BUD13: variants seen among roughly 807,000 people sequenced by gnomAD.
The protein encoded by BUD13 is BUD13 homolog.
Under a neutral mutation model 62.5 loss-of-function variants are expected in BUD13, and 47 were observed. That is an observed-to-expected ratio of 0.75 (90% CI 0.60 to 0.96). The LOEUF (loss-of-function observed/expected upper bound fraction) is 0.96. Among genes scored for constraint, BUD13 ranks in the 40% least tolerant of loss-of-function variants. The probability of loss-of-function intolerance (pLI) is 0.00; values close to 1 mark genes in which losing one functional copy is unlikely to be tolerated. For synonymous variants in BUD13, 293 were observed against 280.1 expected, an observed-to-expected ratio of 1.05 and a Z score of -0.46; for missense variants, 821 against 790.9, an observed-to-expected ratio of 1.04 and a Z score of -0.46.
Position 116,763,213 on chromosome 11 carries a change from A to C in BUD13, c.376T>G (p.Ser126Ala). Residue 126 changes from serine (S) to alanine (A), a missense_variant, in exon 4 of 10, where the codon TCA becomes GCA. By Grantham distance (99) the Ser-to-Ala change is moderately conservative. Coordinates refer to ENST00000260210, the MANE Select transcript of BUD13 (RefSeq NM_032725.4). ...CCATGACGGACCCTCCTAGGAGATG[A>C]ATCCGGGGTATCGTGACGAAAATGT... is the stretch of plus-strand genomic sequence containing the variant. ...NRHFRHDTPD[S>A]SPRRVRHGTP... 1 of 1,567,272 alleles carries C rather than the reference A, an allele frequency of 6.4e-7. No individual in the cohort carries two copies.
At chr11:116,769,014 CAAA>C (rs34626460) in intron 2 of BUD13, among the ~76,000 whole-genome samples, 11 of 90,142 alleles carry the variant, frequency 1.2e-4, no homozygotes, top group Admixed American at 1.2e-4. Context: ...GACTCCGTCT[CAAA>C]AAAAAAAAAA....
At chr11:116,748,607 G>A in intron 9 of BUD13, 32 bp from the exon 10 acceptor site, 1 of 1,600,662 alleles carries the variant, frequency 6.2e-7, no homozygotes, top group Non-Finnish European at 8.6e-7. Context: ...TATTCAGCTA[G>A]AACCCTGAAA....
At chr11:116,748,657 T>A in intron 9 of BUD13, 82 bp from the exon 10 acceptor site, 1 of 1,337,664 alleles carries the variant, frequency 7.5e-7, no homozygotes, top group African/African-American at 1.5e-5. Context: ...GTTCACAATA[T>A]AATGAAAAGG....
intron 9 of BUD13, among the ~76,000 whole-genome samples, chr11:116,748,980 CAAAAAAA>C (rs58988682): frequency 3.8e-4 from 33 of 87,010 alleles, no homozygotes; most frequent in Non-Finnish European, 6.4e-4. Flanking sequence ...GACTCTGTCT[CAAAAAAA>C]AAAAAAAAAA....
intron 2 of BUD13, among the ~76,000 whole-genome samples, chr11:116,769,730 CA>C (rs1274844222): frequency 6.6e-6 from 1 of 152,114 alleles, no homozygotes; most frequent in East Asian, 1.9e-4. Flanking sequence ...AACCCCCCTA[CA>C]AATCTACCCT....
chr11:116,750,660 C>A (rs2134170069), intron 9 of BUD13, among the ~76,000 whole-genome samples: 1 of 152,350 alleles, frequency 6.6e-6, no homozygotes, highest in South Asian at 2.1e-4. Context: ...TCAGCCTGAG[C>A]TACTGCAAAA....
chr11:116,763,201 T>G lies in BUD13; in HGVS notation c.388A>C (p.Arg130=), dbSNP rs1458313922. Residue 130 remains arginine (R), a synonymous_variant, in exon 4 of 10, where the codon AGG becomes CGG. Coordinates refer to ENST00000260210, the MANE Select transcript of BUD13 (RefSeq NM_032725.4). ...GGATCTGGGGTACCATGACGGACCCTCCTAGGAGATGAATCCGGGGTATCG... is the reference window on the plus strand; with the variant it reads ...GGATCTGGGGTACCATGACGGACCCGCCTAGGAGATGAATCCGGGGTATCG... ...RHDTPDSSPR[R]VRHGTPDPSP... 13 of 1,580,156 alleles carry G rather than the reference T, an allele frequency of 8.2e-6. No homozygotes were observed. The highest frequency in any genetic ancestry group is 1.1e-5 in the Non-Finnish European group (13 of 1,162,590).
In BUD13 at chr11:116,762,865, T is replaced by TG; in HGVS notation, c.723dup (p.Arg242GlnfsTer5). ...TCAGGGGAGTTGTTATGGACCCTTC[T>TG]GGGGGAAGAGATATCTGAGGAACCA... On this transcript the variant is annotated frameshift_variant, in exon 4 of 10. Transcript: ENST00000260210. LOFTEE classifies it high-confidence loss of function. 1 of 1,613,704 alleles carries TG rather than the reference T, an allele frequency of 6.2e-7. No individual in the cohort carries two copies. Among genetic ancestry groups the TG allele is most frequent in the Non-Finnish European group, 8.5e-7 (1 of 1,179,914 alleles).
intron 9 of BUD13, among the ~76,000 whole-genome samples, chr11:116,755,121 G>C (rs564699772): frequency 1.3e-5 from 2 of 152,310 alleles, no homozygotes; most frequent in East Asian, 3.9e-4. Flanking sequence ...TTTTCAAGAA[G>C]AGGAAAATAT....
At chr11:116,749,939 TAGAG>T (rs1219278272) in intron 9 of BUD13, among the ~76,000 whole-genome samples, 3 of 152,092 alleles carry the variant, frequency 2.0e-5, no homozygotes, top group African/African-American at 2.4e-5. Flanking sequence ...GGAGGCAAGT[TAGAG>T]AGCACAAGAG....
chr11:116,762,563 A>G lies in BUD13; in HGVS notation c.1026T>C (p.Leu342=). 1.2e-6 allele frequency: 2 copies of G among 1,608,422 alleles called. No homozygotes were observed. Among genetic ancestry groups the G allele is most frequent in the Non-Finnish European group, 1.7e-6 (2 of 1,177,172 alleles). Residue 342 remains leucine, a synonymous_variant, in exon 4 of 10, where the codon CTT becomes CTC. Transcript: ENST00000260210. ...AKSHFGDKKQ[L]DSKGDCQKAT... ...CAGTCATATGCTCACCTTTGGAATC[A>G]AGCTGCTTCTTGTCTCCAAAATGGG...
chr11:116,757,924 T>G lies in BUD13; in HGVS notation c.1526A>C (p.Gln509Pro), dbSNP rs1376444702. Residue 509 changes from glutamine to proline, a missense_variant, in exon 8 of 10, where the codon CAA (glutamine) becomes CCA (proline). Physicochemically the swap from Gln to Pro is moderately conservative, Grantham distance 76. Coordinates refer to ENST00000260210, the MANE Select transcript of BUD13 (RefSeq NM_032725.4). ...CTCTTTCATTGCATCCTCCACATTTTGTTGCTGTTGCCGGCTCTGGGCAAG... is the reference window on the plus strand; with the variant it reads ...CTCTTTCATTGCATCCTCCACATTTGGTTGCTGTTGCCGGCTCTGGGCAAG... Reference protein sequence around the residue: ...KGLAQSRQQQQNVEDAMKEMQ... With the variant: ...KGLAQSRQQQPNVEDAMKEMQ... The G allele has an allele frequency of 1.1e-5, 18 of 1,614,008 alleles. No individual in the cohort carries two copies. The highest frequency in any genetic ancestry group is 1.5e-5 in the Non-Finnish European group (18 of 1,180,034).
rs576434179 is a variant in BUD13 at position 116,748,334 on chromosome 11, C to T, written c.*148G>A. Reference sequence around the variant, plus strand: ...GTACCTCAGTCCAAACATCAGGTCTCGAATATTCTTCTGTGGTCAAAACTG... The same window carrying T: ...GTACCTCAGTCCAAACATCAGGTCTTGAATATTCTTCTGTGGTCAAAACTG... On this transcript the variant is annotated 3_prime_UTR_variant, in exon 10 of 10. Transcript: ENST00000260210. 12 of 667,028 alleles carry T rather than the reference C, an allele frequency of 1.8e-5. No homozygotes were observed. The highest frequency in any genetic ancestry group is 3.1e-5 in the Non-Finnish European group (12 of 382,370). The allele number at this position is 667,028 out of a possible 1,614,324, so 41.3% of individuals were successfully genotyped here.
chr11:116,762,625 G>C lies in BUD13; in HGVS notation c.964C>G (p.Pro322Ala), dbSNP rs1381625250. 1 of 1,614,094 alleles carries C rather than the reference G, an allele frequency of 6.2e-7. No individual in the cohort carries two copies. The change falls in exon 4 of 10, where the codon CCT (proline) becomes GCT (alanine). Residue 322 changes from proline to alanine, a missense_variant. By Grantham distance (27) the Pro-to-Ala change is conservative. Transcript: ENST00000260210. ...FPKNSKYEYD[P>A]DISPPRKKQA... Reference sequence around the variant, plus strand: ...TTTTTTCGTGGAGGAGAGATGTCAGGGTCATACTCATATTTGCTGTTCTTT... The same window carrying C: ...TTTTTTCGTGGAGGAGAGATGTCAGCGTCATACTCATATTTGCTGTTCTTT...
At position 116,767,959 on chromosome 11, in the gene BUD13, C is replaced by A. The variant is rs766729687; in HGVS notation, c.237+2170G>T. Among the ~76,000 whole-genome samples the A allele has an allele frequency of 3.4e-5, 5 of 146,678 alleles. No homozygotes were observed. The East Asian group carries it at 1.0e-3, about 29-fold the overall frequency. On this transcript the variant is annotated intron_variant, in intron 2 of 9. Coordinates refer to ENST00000260210, the MANE Select transcript of BUD13 (RefSeq NM_032725.4). ...CTGTATTTCAGCCTGGGCAACAGAG[C>A]AAGACCCTGTCTCAAAAATAATAAT...
chr11:116,768,452 C>G (rs1021365545), intron 2 of BUD13, among the ~76,000 whole-genome samples: 8 of 151,986 alleles, frequency 5.3e-5, no homozygotes, highest in Non-Finnish European at 1.0e-4. Context: ...AGAGAAAAAC[C>G]TGAAGAGATA....
intron 2 of BUD13, among the ~76,000 whole-genome samples, chr11:116,769,092 T>C (rs1029960485): frequency 2.0e-5 from 3 of 152,042 alleles, no homozygotes; most frequent in Non-Finnish European, 4.4e-5. Flanking sequence ...CCAACTTTAG[T>C]GGAATTCAGC....
At position 116,758,292 on chromosome 11, in the gene BUD13, C is replaced by A; in HGVS notation, c.1476G>T (p.Glu492Asp). The A allele has an allele frequency of 6.2e-7, 1 of 1,614,190 alleles. No individual in the cohort carries two copies. Among genetic ancestry groups the A allele is most frequent in the Non-Finnish European group, 8.5e-7 (1 of 1,180,036 alleles). The change falls in exon 7 of 10, where the codon GAG becomes GAT. Residue 492 changes from glutamate (E) to aspartate (D), a missense_variant. Coordinates refer to ENST00000260210, the MANE Select transcript of BUD13 (RefSeq NM_032725.4). ...ACCCTTTTCCCCACTGGGCATACAG[C>A]TCATCTCTCTCTGAGTCCTTTTCTG... ...RKAEKDSERD[E>D]LYAQWGKGLA...
At chr11:116,770,315 A>G (rs1710061104) in intron 1 of BUD13, 93 bp from the exon 2 acceptor site, 1 of 1,052,544 alleles carries the variant, frequency 9.5e-7, no homozygotes, top group East Asian at 2.7e-5. Flanking sequence ...TCAAAATCCT[A>G]CAGGATCCTG....
Sources: allele counts gnomAD v4.1 joint callset (sites outside exome capture counted in the v4.1 genomes callset), GRCh38; gene constraint gnomAD v4.1.1; transcripts MANE v1.5; gene names NCBI Gene and HGNC (gene_info 2026-07-23, HGNC 2026-07-21).